MARCHF1: variants seen among roughly 807,000 people sequenced by gnomAD.
MARCHF1 encodes the protein membrane associated ring-CH-type finger 1, also known as E3 ubiquitin-protein ligase MARCHF1.
In MARCHF1, 40 loss-of-function variants were observed where a neutral mutation model predicts 54.2. The ratio of observed to expected loss-of-function variants is 0.74; its 90% CI spans 0.57 to 0.96. The LOEUF (loss-of-function observed/expected upper bound fraction) is 0.96. Among genes scored for constraint, MARCHF1 ranks in the 40% least tolerant of loss-of-function variants. MARCHF1 has a pLI of 0.00. For missense variants in MARCHF1, 586 were observed against 656.5 expected, an observed-to-expected ratio of 0.89 and a Z score of 1.17; for synonymous variants, 236 against 236.3, an observed-to-expected ratio of 1.00 and a Z score of 0.01.
intron 1 of MARCHF1, among the ~76,000 whole-genome samples, chr4:164,361,961 A>G (rs964921649): frequency 1.3e-5 from 2 of 152,096 alleles, no homozygotes; most frequent in Admixed American, 1.3e-4. Flanking sequence ...TACTTTGCTC[A>G]TGGGTAAATT....
chr4:163,542,628 G>A lies in MARCHF1; in HGVS notation c.1339+2968C>T, dbSNP rs184156734. The stretch of plus-strand genomic sequence containing the variant: ...TAAATGCAGGATGCTATGGGACTAC[G>A]TGGTAGGGCAGTGACTCTCCATCCT... On this transcript the variant is annotated intron_variant, in intron 9 of 9. Transcript: ENST00000514618. 1.2e-4 allele frequency among the ~76,000 whole-genome samples: 18 copies of A among 152,312 alleles called. No individual in the cohort carries two copies. In the East Asian group the frequency reaches 3.3e-3, roughly 28 times the overall value.
chr4:163,630,318 G>A (rs1461107594), intron 5 of MARCHF1, among the ~76,000 whole-genome samples: 1 of 152,148 alleles, frequency 6.6e-6, no homozygotes, highest in African/African-American at 2.4e-5. Context: ...ATTATGCTGA[G>A]TGAAAGAAGC....
intron 1 of MARCHF1, among the ~76,000 whole-genome samples, chr4:164,141,502 T>C (rs1756533823): frequency 6.6e-6 from 1 of 152,232 alleles, no homozygotes; most frequent in Admixed American, 6.5e-5. Context: ...CTCCTAGCTA[T>C]TCCTTGGTCT....
intron 1 of MARCHF1, among the ~76,000 whole-genome samples, chr4:164,135,786 C>G (rs981038156): frequency 2.6e-5 from 4 of 152,148 alleles, no homozygotes; most frequent in African/African-American, 4.8e-5. Flanking sequence ...TTAAAATATT[C>G]AAAGATGTGG....
intron 8 of MARCHF1, chr4:163,584,871 T>C (rs1740355928): frequency 6.6e-6 from 1 of 152,248 alleles, no homozygotes; most frequent in Non-Finnish European, 1.5e-5. Flanking sequence ...GGATGATTCA[T>C]TATTTAAACT....
chr4:163,899,572 G>A (rs1750892280), intron 3 of MARCHF1, among the ~76,000 whole-genome samples: 1 of 151,860 alleles, frequency 6.6e-6, no homozygotes, highest in Non-Finnish European at 1.5e-5. Context: ...TTTCTTCTTG[G>A]CTGATATCAA....
At chr4:163,831,070 G>A (rs776706663) in intron 4 of MARCHF1, among the ~76,000 whole-genome samples, 1 of 152,146 alleles carries the variant, frequency 6.6e-6, no homozygotes, top group Non-Finnish European at 1.5e-5. Context: ...ATAGTTCTGC[G>A]AGTCTTTACA....
chr4:164,070,687 G>T (rs1754844118), intron 2 of MARCHF1, among the ~76,000 whole-genome samples: 1 of 152,166 alleles, frequency 6.6e-6, no homozygotes, highest in Non-Finnish European at 1.5e-5. Flanking sequence ...GGTATGAAGT[G>T]AATTCTCTTG....
chr4:163,744,627 C>CT lies in MARCHF1; in HGVS notation c.112-43765dup, dbSNP rs201094119. Among the ~76,000 whole-genome samples the CT allele has an allele frequency of 9.9e-5, 15 of 152,206 alleles. No homozygotes were observed. The East Asian group carries it at 2.9e-3, about 29-fold the overall frequency. Reference sequence around the variant, plus strand: ...TCAAATAAGGAATATTTACAGAGCACTTTTTTCTTAATCGTGCATTGCTTA... The same window carrying CT: ...TCAAATAAGGAATATTTACAGAGCACTTTTTTTCTTAATCGTGCATTGCTTA... On this transcript the variant is annotated intron_variant, in intron 4 of 9. Transcript: ENST00000514618.
At chr4:163,684,809 A>G (rs1043143623) in intron 5 of MARCHF1, among the ~76,000 whole-genome samples, 5 of 152,232 alleles carry the variant, frequency 3.3e-5, no homozygotes, top group Non-Finnish European at 7.3e-5. Context: ...ACAAAAGTTG[A>G]AAGAATTATG....
chr4:163,961,917 G>A (rs553419292), intron 3 of MARCHF1, among the ~76,000 whole-genome samples: 5 of 151,928 alleles, frequency 3.3e-5, no homozygotes, highest in South Asian at 2.1e-4. Context: ...GTGCTGTAAC[G>A]TTTTTCATTT....
intron 1 of MARCHF1, among the ~76,000 whole-genome samples, chr4:164,170,355 TG>T (rs1730489094): frequency 6.6e-6 from 1 of 152,052 alleles, no homozygotes; most frequent in Non-Finnish European, 1.5e-5. Flanking sequence ...TTGTGATAAA[TG>T]GGTGGTAGAC....
chr4:164,172,216 A>C (rs1268151318), intron 1 of MARCHF1, among the ~76,000 whole-genome samples: 1 of 152,234 alleles, frequency 6.6e-6, no homozygotes, highest in African/African-American at 2.4e-5. Context: ...AGATGAGTGA[A>C]TGTGTTTAAT....
chr4:163,644,362 C>T (rs1159633087), intron 5 of MARCHF1, among the ~76,000 whole-genome samples: 1 of 152,150 alleles, frequency 6.6e-6, no homozygotes, highest in Non-Finnish European at 1.5e-5. Flanking sequence ...CATACTTAGG[C>T]ACCAGATTTA....
intron 4 of MARCHF1, among the ~76,000 whole-genome samples, chr4:163,784,776 A>C (rs988861677): frequency 2.6e-5 from 4 of 152,154 alleles, no homozygotes; most frequent in African/African-American, 7.2e-5. Flanking sequence ...TATAACAAAC[A>C]ATCAATATGC....
At chr4:164,273,975 G>T in intron 1 of MARCHF1, among the ~76,000 whole-genome samples, 1 of 151,980 alleles carries the variant, frequency 6.6e-6, no homozygotes, top group Non-Finnish European at 1.5e-5. Flanking sequence ...AAATTAATAT[G>T]CAGTTCATAC....
intron 1 of MARCHF1, among the ~76,000 whole-genome samples, chr4:164,122,125 A>T (rs1756081196): frequency 6.6e-6 from 1 of 152,144 alleles, no homozygotes; most frequent in Admixed American, 6.6e-5. Context: ...CTGAAAAAGC[A>T]TTTAATAAAA....
chr4:164,037,755 A>G (rs990099309), intron 2 of MARCHF1, among the ~76,000 whole-genome samples: 4 of 152,218 alleles, frequency 2.6e-5, no homozygotes, highest in Non-Finnish European at 4.4e-5. Context: ...CAAGGTCAAC[A>G]TCAACAGTGA....
At chr4:164,263,992 G>A (rs1457023594) in intron 1 of MARCHF1, among the ~76,000 whole-genome samples, 1 of 152,132 alleles carries the variant, frequency 6.6e-6, no homozygotes, top group East Asian at 1.9e-4. Context: ...CGACTACTGG[G>A]TATATACCCA....
Sources: gnomAD v4.1 joint callset for allele counts (sites outside exome capture counted in the v4.1 genomes callset) on GRCh38, gnomAD v4.1.1 for gene constraint, MANE v1.5 for transcripts, NCBI Gene and HGNC (gene_info 2026-07-23, HGNC 2026-07-21) for gene names.